SMAP2: variants seen among roughly 807,000 people sequenced by gnomAD.
SMAP2 encodes stromal membrane-associated protein 2.
Under a neutral mutation model 56.4 loss-of-function variants are expected in SMAP2, and 25 were observed. The observed-to-expected ratio is 0.44, with a 90% CI of 0.32 to 0.62. The LOEUF (loss-of-function observed/expected upper bound fraction) is 0.62. Among genes scored for constraint, SMAP2 ranks in the 20% least tolerant of loss-of-function variants. The pLI, the probability that SMAP2 is intolerant of heterozygous loss-of-function variation, is 0.04. For synonymous variants in SMAP2, 157 were observed against 181.7 expected (o/e 0.86, Z 1.09); for missense variants, 388 against 545.6 (o/e 0.71, Z 2.88).
rs558935044 is a variant in SMAP2 at position 40,385,708 on chromosome 1, G to A, written c.103+11485G>A. Among the ~76,000 whole-genome samples the A allele has an allele frequency of 6.6e-6, 1 of 152,326 alleles. No individual in the cohort carries two copies. The highest frequency in any genetic ancestry group is 2.4e-5 in the African/African-American group (1 of 41,590). On this transcript the variant is annotated intron_variant, in intron 1 of 9. Coordinates refer to ENST00000372718, the MANE Select transcript of SMAP2 (RefSeq NM_022733.3). This position sits in a 1 kb window ranked among gnomAD's most constrained non-coding sequence, Gnocchi z 4.5. ...GCTGTCTTTTGCAGCAGTTGCTGGT[G>A]ACGGAATACCATAAATCCCCAGGCC...
At chr1:40,381,382 T>C (rs187254644) in intron 1 of SMAP2, among the ~76,000 whole-genome samples, 145 of 152,304 alleles carry the variant, frequency 9.5e-4, no homozygotes, top group African/African-American at 3.1e-3. Flanking sequence ...AATGAAAGCA[T>C]TGAAGAAGGC....
chr1:40,409,233 A>T (rs1343225300), intron 3 of SMAP2, among the ~76,000 whole-genome samples: 1 of 152,174 alleles, frequency 6.6e-6, no homozygotes, highest in Non-Finnish European at 1.5e-5. Flanking sequence ...CAAATCCCTT[A>T]AAGGCAGTGC....
chr1:40,419,280 C>CTT (rs35237067), intron 9 of SMAP2, among the ~76,000 whole-genome samples: 1 of 121,872 alleles, frequency 8.2e-6, no homozygotes, highest in African/African-American at 3.0e-5. Flanking sequence ...TTCTTCCTTT[C>CTT]TTTTTTTTTT....
chr1:40,410,446 T>C (rs909164397), intron 4 of SMAP2, among the ~76,000 whole-genome samples: 1 of 151,786 alleles, frequency 6.6e-6, no homozygotes, highest in African/African-American at 2.4e-5. Flanking sequence ...TGTGTATATG[T>C]ACTACAGCTA....
At chr1:40,417,425 G>A (rs766071812) in intron 9 of SMAP2, among the ~76,000 whole-genome samples, 1 of 152,066 alleles carries the variant, frequency 6.6e-6, no homozygotes, top group Non-Finnish European at 1.5e-5. Context: ...TTGGTAGACA[G>A]AATACTGCAA....
intron 4 of SMAP2, among the ~76,000 whole-genome samples, chr1:40,412,469 G>GT (rs1644945101): frequency 6.6e-6 from 1 of 152,030 alleles, no homozygotes; most frequent in African/African-American, 2.4e-5. Flanking sequence ...TTACTTTGTG[G>GT]TTTTGTTTTA....
In SMAP2 at chr1:40,420,734, A is replaced by G. The variant is rs186325549; in HGVS notation, c.1165-1242A>G. ...GTCACCTCCATAGAATCTTGCCAAA[A>G]ATATTGAACCTCGATCCAATTATGA... On this transcript the variant is annotated intron_variant, in intron 9 of 9. Coordinates refer to ENST00000372718, the MANE Select transcript of SMAP2 (RefSeq NM_022733.3). 1.3e-3 allele frequency among the ~76,000 whole-genome samples: 195 copies of G among 152,346 alleles called. 1 individual carries two copies. The highest frequency in any genetic ancestry group is 2.7e-3 in the Admixed American group (41 of 15,300).
chr1:40,393,538 TA>T, intron 1 of SMAP2: 1 of 1,277,768 alleles, frequency 7.8e-7, no homozygotes, highest in Non-Finnish European at 1.1e-6. Flanking sequence ...GTAGTTCTTC[TA>T]ACTTTTTTTT....
chr1:40,393,307 T>A, intron 1 of SMAP2: 1 of 1,515,530 alleles, frequency 6.6e-7, no homozygotes, highest in Non-Finnish European at 8.8e-7. Flanking sequence ...AAACCCTATC[T>A]TAGAAGAACA....
chr1:40,381,113 G>T (rs989555123), intron 1 of SMAP2, among the ~76,000 whole-genome samples: 10 of 152,114 alleles, frequency 6.6e-5, no homozygotes, highest in Admixed American at 5.9e-4. Flanking sequence ...ATATCATTTG[G>T]TGCCAGTGAG....
chr1:40,354,645 T>A (rs536263947), intron 1 of SMAP2, among the ~76,000 whole-genome samples: 27 of 152,212 alleles, frequency 1.8e-4, no homozygotes, highest in African/African-American at 2.2e-4. Flanking sequence ...CCAAGTTTTT[T>A]AATATAAGGT....
intron 1 of SMAP2, among the ~76,000 whole-genome samples, chr1:40,383,119 G>A (rs1644614739): frequency 6.6e-6 from 1 of 152,206 alleles, no homozygotes; most frequent in Non-Finnish European, 1.5e-5. Flanking sequence ...GAGCCAAGAA[G>A]CTGAACAGGG....
intron 4 of SMAP2, among the ~76,000 whole-genome samples, chr1:40,412,403 C>T (rs1644944619): frequency 1.3e-5 from 2 of 152,150 alleles, no homozygotes; most frequent in Admixed American, 1.3e-4. Flanking sequence ...CATTTTTTAT[C>T]ACTGGCAAGA....
chr1:40,411,138 A>G (rs1435126053), intron 4 of SMAP2, among the ~76,000 whole-genome samples: 1 of 152,204 alleles, frequency 6.6e-6, no homozygotes. Context: ...AAGTAAGTGT[A>G]ATACATATAG....
At position 40,416,220 on chromosome 1, in the gene SMAP2, T is replaced by C; in HGVS notation, c.726T>C (p.Pro242=). The C allele has an allele frequency of 6.2e-7, 1 of 1,614,092 alleles. No homozygotes were observed. Among genetic ancestry groups the C allele is most frequent in the South Asian group, 1.1e-5 (1 of 91,070 alleles). The change falls in exon 8 of 10, where the codon CCT becomes CCC. Residue 242 remains proline, a synonymous_variant. Transcript: ENST00000372718. ...CTGCAGGGAGTGCCGGCTCTGTTCCTGAAAATCTGAACCTGTTTCCGGAGC... is the reference window on the plus strand; with the variant it reads ...CTGCAGGGAGTGCCGGCTCTGTTCCCGAAAATCTGAACCTGTTTCCGGAGC... ...MPTAGSAGSV[P]ENLNLFPEPG...
In SMAP2 at chr1:40,408,889, C is replaced by CA. The variant is rs1202615695; in HGVS notation, c.323+156dup. ...TCCTCTGTCCTGCAATCAAGGTGCA[C>CA]AAAAAGCACATGTATTTGTGAATGT... On this transcript the variant is annotated intron_variant, in intron 3 of 9. Coordinates refer to ENST00000372718, the MANE Select transcript of SMAP2 (RefSeq NM_022733.3). This position sits in a 1 kb window ranked among gnomAD's most constrained non-coding sequence, Gnocchi z 4.3. 8 of 589,566 alleles carry CA rather than the reference C, an allele frequency of 1.4e-5. No individual in the cohort carries two copies. The highest frequency in any genetic ancestry group is 3.1e-5 in the Admixed American group (1 of 32,398). The allele number at this position is 589,566 out of a possible 1,614,324, so 36.5% of individuals were successfully genotyped here. A position where few individuals can be genotyped will look rare whatever the true frequency, so the allele number is the denominator to read the frequency against.
chr1:40,378,481 T>A (rs1382387279), intron 1 of SMAP2, among the ~76,000 whole-genome samples: 3 of 152,204 alleles, frequency 2.0e-5, no homozygotes, highest in African/African-American at 7.2e-5. Flanking sequence ...ATTTATTTAC[T>A]GGCTTATCTA....
intron 1 of SMAP2, among the ~76,000 whole-genome samples, chr1:40,378,981 C>CTTT (rs11353360): frequency 7.4e-6 from 1 of 134,970 alleles, no homozygotes. Context: ...CTTTTCTTTT[C>CTTT]TTTTTTTTTT....
At position 40,415,284 on chromosome 1, in the gene SMAP2, C is replaced by A; in HGVS notation, c.584C>A (p.Ala195Asp). 6.2e-7 allele frequency: 1 copy of A among 1,613,400 alleles called. No homozygotes were observed. The highest frequency in any genetic ancestry group is 8.5e-7 in the Non-Finnish European group (1 of 1,179,334). The change falls in exon 7 of 10, where the codon GCC (alanine) becomes GAC (aspartate). Residue 195 changes from alanine to aspartate, a missense_variant. Coordinates refer to ENST00000372718, the MANE Select transcript of SMAP2 (RefSeq NM_022733.3). ...MDLLGLDAPV[A>D]CSIANSKTSN... Reference sequence around the variant, plus strand: ...TCTCTCTTTCTAGATGCTCCTGTGGCCTGCTCCATTGCAAATAGTAAGACC... The same window carrying A: ...TCTCTCTTTCTAGATGCTCCTGTGGACTGCTCCATTGCAAATAGTAAGACC...
Sources: gnomAD v4.1 joint callset for allele counts (sites outside exome capture counted in the v4.1 genomes callset) on GRCh38, gnomAD v4.1.1 for gene constraint, Gnocchi (gnomAD v3.1) non-coding constraint, MANE v1.5 for transcripts, NCBI Gene and HGNC (gene_info 2026-07-23, HGNC 2026-07-21) for gene names.